Variants in NYAP2 observed in about 807,000 individuals in gnomAD.
The protein encoded by NYAP2 is neuronal tyrosine-phosphorylated phosphoinositide-3-kinase adaptor 2.
NYAP2 carries 23 observed loss-of-function variants against 50.4 expected under a neutral mutation model. The observed-to-expected ratio is 0.46, with a 90% CI of 0.33 to 0.65. The LOEUF is 0.65. Ranked by LOEUF, NYAP2 falls within the 30% of genes least tolerant of loss-of-function variation. The probability of loss-of-function intolerance (pLI) is 0.02; values close to 1 mark genes in which losing one functional copy is unlikely to be tolerated. For synonymous variants in NYAP2, 394 were observed against 365.2 expected, an observed-to-expected ratio of 1.08 and a Z score of -0.90; for missense variants, 885 against 861.0, an observed-to-expected ratio of 1.03 and a Z score of -0.35.
intron 3 of NYAP2, among the ~76,000 whole-genome samples, chr2:225,410,070 C>CT (rs1428147518): frequency 6.6e-6 from 1 of 151,980 alleles, no homozygotes; most frequent in Non-Finnish European, 1.5e-5. Flanking sequence ...AAAATGTTCT[C>CT]TTAAAATGAA....
chr2:225,560,177 G>A (rs1014542651), intron 4 of NYAP2, among the ~76,000 whole-genome samples: 1 of 151,912 alleles, frequency 6.6e-6, no homozygotes, highest in African/African-American at 2.4e-5. Flanking sequence ...ATGCATAATA[G>A]ACACTTACTT....
At chr2:225,453,237 A>G (rs1369819204) in intron 3 of NYAP2, among the ~76,000 whole-genome samples, 1 of 152,202 alleles carries the variant, frequency 6.6e-6, no homozygotes, top group Non-Finnish European at 1.5e-5. Context: ...GGCCATTCAA[A>G]CACTGAAATA....
chr2:225,609,160 A>G (rs1469062837), intron 5 of NYAP2, among the ~76,000 whole-genome samples: 1 of 152,134 alleles, frequency 6.6e-6, no homozygotes, highest in African/African-American at 2.4e-5. Flanking sequence ...AACAGCTGCT[A>G]CATAATTTTA....
the NYAP2 span, among the ~76,000 whole-genome samples, chr2:225,659,502 A>T: frequency 1.3e-5 from 2 of 152,202 alleles, no homozygotes; most frequent in African/African-American, 2.4e-5. Flanking sequence ...TACCAAAGTG[A>T]GTAAGGTTAC....
chr2:225,691,195 C>A, the NYAP2 span, among the ~76,000 whole-genome samples: 1 of 151,554 alleles, frequency 6.6e-6, no homozygotes, highest in East Asian at 1.9e-4. Flanking sequence ...CAGGAGTGAG[C>A]GCTTTTTTTT....
chr2:225,620,841 C>A lies in NYAP2; in HGVS notation c.1619-6076C>A, dbSNP rs140452200. ...GTTTAAAATCTGGAAGAGGGCCAGG[C>A]GCGGTGGCTCACACCTGTAATCCCA... is the stretch of plus-strand genomic sequence containing the variant. On this transcript the variant is annotated intron_variant, in intron 5 of 6. Transcript: ENST00000636099. Among the ~76,000 whole-genome samples the A allele has an allele frequency of 5.5e-3, 839 of 152,236 alleles. 10 individuals are homozygous for A. Among genetic ancestry groups the A allele is most frequent in the African/African-American group, 0.019 (804 of 41,528 alleles).
chr2:225,437,965 A>ATCTC (rs368095590), intron 3 of NYAP2, among the ~76,000 whole-genome samples: 2 of 151,364 alleles, frequency 1.3e-5, no homozygotes, highest in Non-Finnish European at 3.0e-5. Context: ...CCTAACAATG[A>ATCTC]TCTCTCTCTC....
In NYAP2 at chr2:225,416,155, G is replaced by A. The variant is rs184067468; in HGVS notation, c.221+7054G>A. 3.9e-5 allele frequency among the ~76,000 whole-genome samples: 6 copies of A among 152,226 alleles called. No homozygotes were observed. The East Asian group carries it at 1.2e-3, about 29-fold the overall frequency. On this transcript the variant is annotated intron_variant, in intron 3 of 6. Coordinates refer to ENST00000636099, the Ensembl canonical transcript of NYAP2. Reference sequence around the variant, plus strand: ...AATCACTTTTCTATTAATCATTTCAGGGGACCACAGGTTGCTTTGCTTGTT... The same window carrying A: ...AATCACTTTTCTATTAATCATTTCAAGGGACCACAGGTTGCTTTGCTTGTT...
intron 4 of NYAP2, among the ~76,000 whole-genome samples, chr2:225,545,420 C>A (rs1177009059): frequency 6.6e-6 from 1 of 152,062 alleles, no homozygotes; most frequent in African/African-American, 2.4e-5. Flanking sequence ...TTTCAAATAG[C>A]CTGTATTTGA....
chr2:225,411,010 A>G (rs1477593163), intron 3 of NYAP2, among the ~76,000 whole-genome samples: 2 of 152,174 alleles, frequency 1.3e-5, no homozygotes, highest in East Asian at 3.8e-4. Flanking sequence ...AGTAAAGATA[A>G]CTCAGATCAC....
intron 3 of NYAP2, among the ~76,000 whole-genome samples, chr2:225,467,055 T>C (rs74476331): frequency 0.15 from 22,328 of 152,172 alleles, 2,565 homozygotes; most frequent in African/African-American, 0.32. Flanking sequence ...TTCCGGATCT[T>C]GTGTTCCTTC....
intron 3 of NYAP2, among the ~76,000 whole-genome samples, chr2:225,461,203 GT>G (rs1689826187): frequency 6.6e-6 from 1 of 152,062 alleles, no homozygotes; most frequent in African/African-American, 2.4e-5. Flanking sequence ...GTCTAACTGG[GT>G]TATCTCAGAT....
chr2:225,473,949 C>T (rs1690057124), intron 3 of NYAP2, among the ~76,000 whole-genome samples: 1 of 152,186 alleles, frequency 6.6e-6, no homozygotes, highest in South Asian at 2.1e-4. Context: ...TTAGGTCTAA[C>T]ATTTAAGTCT....
intron 3 of NYAP2, among the ~76,000 whole-genome samples, chr2:225,423,089 C>T (rs7579415): frequency 0.011 from 1,717 of 152,122 alleles, 35 homozygotes; most frequent in African/African-American, 0.04. Context: ...TATTCTATCA[C>T]TTCTTACAAG....
chr2:225,618,189 C>T (rs774801284), intron 5 of NYAP2, among the ~76,000 whole-genome samples: 2 of 152,192 alleles, frequency 1.3e-5, no homozygotes, highest in African/African-American at 4.8e-5. Context: ...ACACAGCTAC[C>T]GTACCAAGGG....
At chr2:225,574,936 T>A (rs965088118) in intron 4 of NYAP2, among the ~76,000 whole-genome samples, 3 of 152,164 alleles carry the variant, frequency 2.0e-5, no homozygotes, top group African/African-American at 7.2e-5. Context: ...TTGAAACCTT[T>A]TGCTGCTCAG....
intron 3 of NYAP2, among the ~76,000 whole-genome samples, chr2:225,476,412 CA>C (rs61496030): frequency 0.035 from 3,393 of 97,358 alleles, 37 homozygotes; most frequent in African/African-American, 0.056. Flanking sequence ...GACTCTGTCT[CA>C]AAAAAAAAAA....
upstream of NYAP2, among the ~76,000 whole-genome samples, chr2:225,398,931 T>A (rs1490686733): frequency 6.6e-6 from 1 of 152,070 alleles, no homozygotes; most frequent in Non-Finnish European, 1.5e-5. Context: ...GAAATATAAT[T>A]TAAGAAAATT....
the NYAP2 span, among the ~76,000 whole-genome samples, chr2:225,680,848 A>G: frequency 6.6e-6 from 1 of 152,304 alleles, no homozygotes; most frequent in East Asian, 1.9e-4. Flanking sequence ...ATAATTAGAT[A>G]TTTATCCATC....
Sources: gnomAD v4.1 joint callset for allele counts (sites outside exome capture counted in the v4.1 genomes callset) on GRCh38, gnomAD v4.1.1 for gene constraint, MANE v1.5 for transcripts, NCBI Gene and HGNC (gene_info 2026-07-23, HGNC 2026-07-21) for gene names.